Variants in ACSM2B observed in about 807,000 individuals in gnomAD.
ACSM2B encodes acyl-CoA synthetase medium chain family member 2B, also known as acyl-coenzyme A synthetase ACSM2B, mitochondrial.
Under a neutral mutation model 78.6 loss-of-function variants are expected in ACSM2B, and 58 were observed. The observed-to-expected ratio is 0.74, with a 90% confidence interval of 0.60 to 0.92. The LOEUF is 0.92. ACSM2B is among the 40% of genes least tolerant of loss of function. ACSM2B has a pLI of 0.00. For missense variants in ACSM2B, 688 were observed against 711.2 expected (o/e 0.97, Z 0.37); for synonymous variants, 257 against 256.8 (o/e 1.00, Z -0.01).
At chr16:20,559,981 A>G (rs2015603085) in intron 2 of ACSM2B, among the ~76,000 whole-genome samples, 1 of 151,030 alleles carries the variant, frequency 6.6e-6, no homozygotes, top group South Asian at 2.1e-4. Flanking sequence ...ATTTATCTCT[A>G]TCTACTTACT....
intron 13 of ACSM2B, among the ~76,000 whole-genome samples, chr16:20,539,802 A>G (rs1368861526): frequency 6.6e-6 from 1 of 151,590 alleles, no homozygotes; most frequent in African/African-American, 2.4e-5. Context: ...TAAGCTGCTG[A>G]GAATATATGT....
At chr16:20,554,871 C>A (rs752851307) in intron 4 of ACSM2B, among the ~76,000 whole-genome samples, 3 of 152,204 alleles carry the variant, frequency 2.0e-5, no homozygotes, top group Non-Finnish European at 4.4e-5. Flanking sequence ...TCACTTTGTG[C>A]CCCATAGTTT....
At chr16:20,538,124 A>G (rs1472387173) in intron 13 of ACSM2B, among the ~76,000 whole-genome samples, 1 of 152,186 alleles carries the variant, frequency 6.6e-6, no homozygotes, top group Non-Finnish European at 1.5e-5. Flanking sequence ...ATGGTCTCGA[A>G]TTTAATAAAA....
Position 20,540,768 on chromosome 16 carries a change from C to G in ACSM2B, c.1515G>C (p.Val505=), listed in dbSNP as rs2014967364. Residue 505 remains valine, a synonymous_variant, in exon 13 of 14, where the codon GTG becomes GTC. Coordinates refer to ENST00000329697, the MANE Select transcript of ACSM2B (RefSeq NM_001105069.2). Reference sequence around the variant, plus strand: ...GCGAGGCCAGGATCACAAATGCCTTCACCACCTGCAAAATAGATGAAGGCC... The same window carrying G: ...GCGAGGCCAGGATCACAAATGCCTTGACCACCTGCAAAATAGATGAAGGCC... ...SSPDPVRGEV[V]KAFVILASQF... is the part of the protein sequence containing the mutation. 1 of 1,613,640 alleles carries G rather than the reference C, an allele frequency of 6.2e-7. No homozygotes were observed. The highest frequency in any genetic ancestry group is 8.5e-7 in the Non-Finnish European group (1 of 1,179,784).
chr16:20,572,749 TC>T, intron 1 of ACSM2B, among the ~76,000 whole-genome samples: 1 of 151,980 alleles, frequency 6.6e-6, no homozygotes, highest in Non-Finnish European at 1.5e-5. Flanking sequence ...ATCCCAAACT[TC>T]TTGGAGGCTT....
intron 8 of ACSM2B, chr16:20,547,045 G>A: frequency 1.1e-6 from 1 of 876,976 alleles, no homozygotes; most frequent in East Asian, 8.5e-5. Flanking sequence ...AATAACAGAT[G>A]AGTGGTGGAT....
In ACSM2B at chr16:20,555,285, A is replaced by G. The variant is rs759981336; in HGVS notation, c.580T>C (p.Phe194Leu). Residue 194 changes from phenylalanine (F) to leucine (L), a missense_variant, in exon 4 of 14, where the codon TTC becomes CTC. Phe to Leu is a conservative substitution (Grantham distance 22, BLOSUM62 0). Transcript: ENST00000329697. Reference sequence around the variant, plus strand: ...GATACTCACTTTAGTAGTTTCTTGAAGTTCAGCCACCCATCGCAGCTTTTC... The same window carrying G: ...GATACTCACTTTAGTAGTTTCTTGAGGTTCAGCCACCCATCGCAGCTTTTC... Reference protein sequence around the residue: ...SEKSCDGWLNFKKLLNEASTT... With the variant: ...SEKSCDGWLNLKKLLNEASTT... The G allele has an allele frequency of 6.2e-7, 1 of 1,613,820 alleles. No individual in the cohort carries two copies. Among genetic ancestry groups the G allele is most frequent in the Admixed American group, 1.7e-5 (1 of 59,992 alleles).
chr16:20,538,418 A>G (rs1238422160), intron 13 of ACSM2B, among the ~76,000 whole-genome samples: 4 of 152,204 alleles, frequency 2.6e-5, no homozygotes, highest in African/African-American at 9.6e-5. Flanking sequence ...GAGTAGTTGC[A>G]ACATAGACCA....
Position 20,553,890 on chromosome 16 carries a change from C to T in ACSM2B, c.627G>A (p.Glu209=). 1 of 1,613,840 alleles carries T rather than the reference C, an allele frequency of 6.2e-7. No individual in the cohort carries two copies. The highest frequency in any genetic ancestry group is 8.5e-7 in the Non-Finnish European group (1 of 1,179,802). The change falls in exon 5 of 14, where the codon GAG becomes GAA. Residue 209 remains glutamate (E), a synonymous_variant. Coordinates refer to ENST00000329697, the MANE Select transcript of ACSM2B (RefSeq NM_001105069.2). The part of the protein sequence containing the change: ...NEASTTHHCV[E]TGSQEASAIY... ...TGGCAGATGCTTCCTGGCTTCCAGT[C>T]TCCACACAGTGATGAGTGGTGGATG...
intron 2 of ACSM2B, 52 bp from the exon 3 acceptor site, chr16:20,559,499 A>G (rs1232277309): frequency 6.3e-7 from 1 of 1,589,124 alleles, no homozygotes; most frequent in East Asian, 2.3e-5. Flanking sequence ...ACAAGCAGGT[A>G]GGATAAATTC....
intron 10 of ACSM2B, chr16:20,544,571 C>G: frequency 1.0e-6 from 1 of 984,964 alleles, no homozygotes; most frequent in Non-Finnish European, 1.2e-6. Context: ...TCAATTATCT[C>G]AGGGATCAGA....
chr16:20,542,604 G>A (rs2015025287), intron 12 of ACSM2B: 1 of 357,396 alleles, frequency 2.8e-6, no homozygotes, highest in Non-Finnish European at 5.1e-6. Flanking sequence ...CTTTTCCTTT[G>A]GATAAATACC....
intron 1 of ACSM2B, among the ~76,000 whole-genome samples, chr16:20,567,296 A>C (rs1393318230): frequency 8.0e-6 from 1 of 124,876 alleles, no homozygotes; most frequent in African/African-American, 3.1e-5. Context: ...ATAATATATA[A>C]TGTATAGTAC....
In ACSM2B at chr16:20,559,420, G is replaced by T. The variant is rs1400210848; in HGVS notation, c.205C>A (p.Leu69Met). ...TTCCCCTTCCCATTCACCCACCACA[G>T]GGCTGGGCTTGGGAGTCGCTTGCCA... Reference protein sequence around the residue: ...KAGKRLPSPALWWVNGKGKEL... With the variant: ...KAGKRLPSPAMWWVNGKGKEL... Residue 69 changes from leucine (L) to methionine (M), a missense_variant, in exon 3 of 14, where the codon CTG (leucine) becomes ATG (methionine). Physicochemically the swap from Leu to Met is conservative, Grantham distance 15 (BLOSUM62 2). Coordinates refer to ENST00000329697, the MANE Select transcript of ACSM2B (RefSeq NM_001105069.2). 4 of 1,613,122 alleles carry T rather than the reference G, an allele frequency of 2.5e-6. No individual in the cohort carries two copies. Among genetic ancestry groups the T allele is most frequent in the Admixed American group, 1.7e-5 (1 of 59,980 alleles).
chr16:20,560,647 A>C (rs752681176), intron 2 of ACSM2B, among the ~76,000 whole-genome samples: 9 of 152,086 alleles, frequency 5.9e-5, no homozygotes, highest in African/African-American at 2.4e-5. Flanking sequence ...CCGATACAGA[A>C]AATTGGTACC....
At chr16:20,544,392 G>A in intron 10 of ACSM2B, 1 of 235,146 alleles carries the variant, frequency 4.3e-6, no homozygotes. Context: ...AGCAATCTGA[G>A]TCCAAAAACT....
chr16:20,563,330 T>C (rs2015723457), intron 2 of ACSM2B, among the ~76,000 whole-genome samples: 1 of 152,216 alleles, frequency 6.6e-6, no homozygotes, highest in South Asian at 2.1e-4. Context: ...CCTGGTTTTA[T>C]AATGAATTGC....
At chr16:20,547,585 G>A (rs2015177228) in intron 8 of ACSM2B, 1 of 993,224 alleles carries the variant, frequency 1.0e-6, no homozygotes, top group African/African-American at 1.7e-5. Flanking sequence ...AGAGTTCCAA[G>A]AAGATATGTC....
At chr16:20,546,761 G>A (rs62035055) in intron 8 of ACSM2B, 7,580 of 342,922 alleles carry the variant, frequency 0.022, 139 homozygotes, top group Middle Eastern at 0.034. Flanking sequence ...TTAATACGAC[G>A]CTATGGATAC....
Sources: allele counts gnomAD v4.1 joint callset (sites outside exome capture counted in the v4.1 genomes callset), GRCh38; gene constraint gnomAD v4.1.1; transcripts MANE v1.5; gene names NCBI Gene and HGNC (gene_info 2026-07-23, HGNC 2026-07-21).